The following CSMD3 variants were observed in gnomAD, a reference collection of about 807,000 sequenced individuals.
CSMD3 encodes the protein CUB and Sushi multiple domains 3.
CSMD3 carries 177 observed loss-of-function variants against 435.2 expected under a neutral mutation model. The observed-to-expected ratio is 0.41, with a 90% CI of 0.36 to 0.46. The LOEUF is 0.46. CSMD3 is among the 20% of genes least tolerant of loss of function. The probability of loss-of-function intolerance (pLI) is 0.34; values close to 1 mark genes in which losing one functional copy is unlikely to be tolerated. For missense variants in CSMD3, 4,265 were observed against 4,504.6 expected (o/e 0.95, Z 1.52); for synonymous variants, 1,656 against 1,520.5 (o/e 1.09, Z -2.07).
chr8:112,490,089 T>C (rs959068575), intron 31 of CSMD3, among the ~76,000 whole-genome samples: 4 of 152,184 alleles, frequency 2.6e-5, no homozygotes, highest in African/African-American at 9.6e-5. Context: ...TTTGCTTCTC[T>C]TGGAACTCTG....
chr8:112,283,175 T>C (rs75159867), intron 58 of CSMD3, among the ~76,000 whole-genome samples: 4,227 of 152,102 alleles, frequency 0.028, 220 homozygotes, highest in African/African-American at 0.095. Flanking sequence ...TTCCTAGGAA[T>C]GATGCTGATA....
intron 13 of CSMD3, among the ~76,000 whole-genome samples, chr8:112,784,321 T>A (rs1248987863): frequency 6.6e-6 from 1 of 151,546 alleles, no homozygotes; most frequent in African/African-American, 2.4e-5. Flanking sequence ...AGCTCCTACA[T>A]CAAAAGAGTA....
intron 32 of CSMD3, among the ~76,000 whole-genome samples, chr8:112,434,056 G>A (rs1389267107): frequency 6.6e-6 from 1 of 152,040 alleles, no homozygotes; most frequent in Non-Finnish European, 1.5e-5. Flanking sequence ...ACATTCATTT[G>A]CTTCCAAAAC....
intron 11 of CSMD3, among the ~76,000 whole-genome samples, chr8:112,845,771 G>A (rs2080300874): frequency 6.6e-6 from 1 of 152,058 alleles, no homozygotes. Flanking sequence ...GAGAATAATG[G>A]AAACCTGAGT....
chr8:112,552,541 T>A (rs2131200231), intron 26 of CSMD3, 53 bp downstream of exon 26: 1 of 1,554,146 alleles, frequency 6.4e-7, no homozygotes, highest in Non-Finnish European at 8.8e-7. Context: ...ATATAGGGGT[T>A]GGTTAGGCAC....
chr8:113,318,653 T>C (rs897878612), intron 1 of CSMD3, among the ~76,000 whole-genome samples: 43 of 152,084 alleles, frequency 2.8e-4, no homozygotes, highest in Non-Finnish European at 1.0e-4. Context: ...TTAAAAAAAA[T>C]ATATTCCACA....
intron 5 of CSMD3, among the ~76,000 whole-genome samples, chr8:113,051,644 T>C (rs537535749): frequency 6.6e-6 from 1 of 152,298 alleles, no homozygotes. Context: ...ATATGTTAAC[T>C]ACAGCAAAAA....
intron 7 of CSMD3, among the ~76,000 whole-genome samples, chr8:112,966,305 T>G (rs2130887256): frequency 6.6e-6 from 1 of 151,598 alleles, no homozygotes; most frequent in East Asian, 1.9e-4. Context: ...AATAAATACA[T>G]TAGTTAGTCT....
chr8:112,908,091 G>T (rs1270523871), intron 10 of CSMD3, among the ~76,000 whole-genome samples: 2 of 151,338 alleles, frequency 1.3e-5, no homozygotes, highest in East Asian at 3.9e-4. Context: ...TCATCTATTT[G>T]TCTGACTACC....
chr8:112,545,482 CAAAAAA>C (rs71566032), intron 27 of CSMD3, among the ~76,000 whole-genome samples: 1 of 26,896 alleles, frequency 3.7e-5, no homozygotes, highest in African/African-American at 1.5e-4. Context: ...GACTCCATCT[CAAAAAA>C]AAAAAAAAAA....
At chr8:112,451,854 G>T (rs1165663366) in intron 32 of CSMD3, among the ~76,000 whole-genome samples, 1 of 152,140 alleles carries the variant, frequency 6.6e-6, no homozygotes, top group Non-Finnish European at 1.5e-5. Context: ...ATTTTTAAAT[G>T]TAGATTTAAT....
At chr8:112,576,926 G>A (rs935228773) in intron 23 of CSMD3, among the ~76,000 whole-genome samples, 6 of 151,798 alleles carry the variant, frequency 4.0e-5, no homozygotes, top group African/African-American at 1.5e-4. Flanking sequence ...AAAAGAGCTA[G>A]TACTTTCAGG....
chr8:112,497,303 A>G (rs918020144), intron 30 of CSMD3, among the ~76,000 whole-genome samples: 14 of 152,114 alleles, frequency 9.2e-5, no homozygotes, highest in African/African-American at 3.4e-4. Context: ...ATAGCATAAC[A>G]GGGTGACTAC....
At chr8:112,363,664 A>G (rs547640699) in intron 38 of CSMD3, among the ~76,000 whole-genome samples, 1 of 152,156 alleles carries the variant, frequency 6.6e-6, no homozygotes, top group Non-Finnish European at 1.5e-5. Flanking sequence ...AACTATCTCT[A>G]CGTCATCATC....
intron 32 of CSMD3, among the ~76,000 whole-genome samples, chr8:112,413,089 A>T (rs191610994): frequency 3.3e-4 from 50 of 152,294 alleles, no homozygotes; most frequent in African/African-American, 1.1e-3. Context: ...CTTAGATTTT[A>T]AAAAAATCAC....
intron 6 of CSMD3, among the ~76,000 whole-genome samples, chr8:113,005,458 C>T (rs575082184): frequency 1.3e-5 from 2 of 151,970 alleles, no homozygotes; most frequent in African/African-American, 4.8e-5. Context: ...CTCTCCTAAA[C>T]ATTAGTTCTC....
chr8:112,229,017 T>A, intron 69 of CSMD3, 126 bp from the exon 70 acceptor site: 1 of 641,414 alleles, frequency 1.6e-6, no homozygotes, highest in Non-Finnish European at 2.7e-6. Context: ...TAAACAAAAA[T>A]AATTCATGAA....
chr8:112,590,714 G>C (rs72676675), intron 22 of CSMD3, among the ~76,000 whole-genome samples: 88 of 149,840 alleles, frequency 5.9e-4, no homozygotes, highest in Non-Finnish European at 1.1e-3. Context: ...GACTGAATGA[G>C]GTACATTTAT....
At chr8:113,179,166 AAT>A (rs1588214352) in intron 3 of CSMD3, among the ~76,000 whole-genome samples, 1 of 151,852 alleles carries the variant, frequency 6.6e-6, no homozygotes, top group Admixed American at 6.6e-5. Flanking sequence ...ATATTATTTT[AAT>A]ATGAGAATAC....
Sources: allele counts gnomAD v4.1 joint callset (sites outside exome capture counted in the v4.1 genomes callset), GRCh38; gene constraint gnomAD v4.1.1; transcripts MANE v1.5; gene names NCBI Gene and HGNC (gene_info 2026-07-23, HGNC 2026-07-21).